The following SLC24A2 variants were observed in gnomAD, a reference collection of about 807,000 sequenced individuals.
SLC24A2 encodes sodium/potassium/calcium exchanger 2.
A neutral mutation model predicts 62.0 loss-of-function variants in SLC24A2; 36 were observed. That is an observed-to-expected ratio of 0.58 (90% confidence interval 0.44 to 0.77). SLC24A2 has a LOEUF of 0.77. SLC24A2 is among the 30% of genes least tolerant of loss of function. The pLI is 0.00. For synonymous variants in SLC24A2, 358 were observed against 294.0 expected (o/e 1.22, Z -2.23); for missense variants, 846 against 817.9 (o/e 1.03, Z -0.42).
the SLC24A2 span, among the ~76,000 whole-genome samples, chr9:20,262,803 C>T: frequency 1.3e-5 from 2 of 152,224 alleles, no homozygotes; most frequent in Admixed American, 1.3e-4. Flanking sequence ...CTCTGCCCCT[C>T]GTCACGCCCT....
chr9:19,893,080 A>C, the SLC24A2 span, among the ~76,000 whole-genome samples: 4 of 152,184 alleles, frequency 2.6e-5, no homozygotes, highest in Non-Finnish European at 5.9e-5. Context: ...CGTCTTTAAT[A>C]ATGTTCCCAT....
the SLC24A2 span, among the ~76,000 whole-genome samples, chr9:19,867,120 A>G: frequency 6.6e-6 from 1 of 152,198 alleles, no homozygotes; most frequent in African/African-American, 2.4e-5. Flanking sequence ...ATAATATTCC[A>G]TCTTTCATTA....
At chr9:19,983,032 T>C in the SLC24A2 span, among the ~76,000 whole-genome samples, 14 of 152,184 alleles carry the variant, frequency 9.2e-5, no homozygotes, top group Non-Finnish European at 2.1e-4. Context: ...AGGACACTTA[T>C]GAACAGCCAC....
chr9:19,674,785 A>G (rs1469633170), intron 2 of SLC24A2, among the ~76,000 whole-genome samples: 1 of 152,066 alleles, frequency 6.6e-6, no homozygotes, highest in Admixed American at 6.6e-5. Context: ...AATTTCATTG[A>G]GTTGGACTTC....
the SLC24A2 span, among the ~76,000 whole-genome samples, chr9:20,011,028 G>C: frequency 1.3e-5 from 2 of 152,050 alleles, no homozygotes; most frequent in Non-Finnish European, 2.9e-5. Context: ...ATTTGGGTTG[G>C]TTCCAGGTCT....
the SLC24A2 span, among the ~76,000 whole-genome samples, chr9:20,072,609 T>G: frequency 6.6e-6 from 1 of 152,032 alleles, no homozygotes; most frequent in Non-Finnish European, 1.5e-5. Flanking sequence ...GTCAGATATC[T>G]TGAGATGGGA....
the SLC24A2 span, among the ~76,000 whole-genome samples, chr9:20,306,658 A>T: frequency 6.6e-6 from 1 of 152,138 alleles, no homozygotes; most frequent in Non-Finnish European, 1.5e-5. Flanking sequence ...ATAATATCAC[A>T]GCTACACCCC....
intron 2 of SLC24A2, among the ~76,000 whole-genome samples, chr9:19,723,667 A>C (rs1226897368): frequency 6.6e-6 from 1 of 152,154 alleles, no homozygotes; most frequent in Non-Finnish European, 1.5e-5. Context: ...AGATATGGAC[A>C]TGTCATTTAC....
At chr9:19,631,929 G>C (rs1818190384) in intron 2 of SLC24A2, among the ~76,000 whole-genome samples, 1 of 152,146 alleles carries the variant, frequency 6.6e-6, no homozygotes, top group Admixed American at 6.5e-5. Context: ...GTGCAGTAGG[G>C]GTCCTCTGTT....
chr9:20,186,751 T>C, the SLC24A2 span, among the ~76,000 whole-genome samples: 4 of 152,226 alleles, frequency 2.6e-5, no homozygotes, highest in South Asian at 4.1e-4. Flanking sequence ...TTAAATGTTA[T>C]GATATATTTT....
intron 7 of SLC24A2, among the ~76,000 whole-genome samples, chr9:19,563,816 TCCTTCCTTCCTC>T (rs1563968775): frequency 7.0e-4 from 75 of 106,610 alleles, no homozygotes; most frequent in Non-Finnish European, 9.7e-4. Flanking sequence ...CTTCCTTCCT[TCCTTCCTTCCTC>T]CCTCCCTCCC....
At chr9:19,587,357 A>C (rs1050973956) in intron 5 of SLC24A2, among the ~76,000 whole-genome samples, 1 of 152,192 alleles carries the variant, frequency 6.6e-6, no homozygotes, top group Non-Finnish European at 1.5e-5. Context: ...CTATTTTGTG[A>C]ACTTATAGCA....
the SLC24A2 span, among the ~76,000 whole-genome samples, chr9:19,975,159 G>A: frequency 6.6e-6 from 1 of 152,146 alleles, no homozygotes; most frequent in African/African-American, 2.4e-5. Flanking sequence ...AAAATGGTCT[G>A]ATTTAAAGGT....
the SLC24A2 span, among the ~76,000 whole-genome samples, chr9:19,867,316 T>G: frequency 6.6e-6 from 1 of 152,340 alleles, no homozygotes; most frequent in Admixed American, 6.5e-5. Flanking sequence ...GCCTGGGATT[T>G]ACTTTGTGGG....
the SLC24A2 span, among the ~76,000 whole-genome samples, chr9:20,279,834 T>C: frequency 6.6e-6 from 1 of 152,204 alleles, no homozygotes; most frequent in Admixed American, 6.5e-5. Context: ...GCATGGCTGG[T>C]CATAAGCAGG....
At chr9:19,684,944 G>A (rs1819836158) in intron 2 of SLC24A2, among the ~76,000 whole-genome samples, 1 of 151,976 alleles carries the variant, frequency 6.6e-6, no homozygotes, top group South Asian at 2.1e-4. Context: ...TCTACACCTG[G>A]AAAACAACAC....
the SLC24A2 span, among the ~76,000 whole-genome samples, chr9:20,076,746 CA>C: frequency 2.7e-5 from 4 of 150,110 alleles, no homozygotes; most frequent in African/African-American, 7.3e-5. Flanking sequence ...AGAAAAGTGC[CA>C]AAAAAAAGTA....
chr9:20,086,603 C>T, the SLC24A2 span, among the ~76,000 whole-genome samples: 2 of 152,164 alleles, frequency 1.3e-5, no homozygotes, highest in African/African-American at 4.8e-5. Context: ...GGGGTCTCCC[C>T]TCACAGGTTT....
At chr9:19,538,236 C>G (rs1184930582) in intron 8 of SLC24A2, among the ~76,000 whole-genome samples, 1 of 129,236 alleles carries the variant, frequency 7.7e-6, no homozygotes, top group African/African-American at 3.2e-5. Flanking sequence ...ACTTCCAACA[C>G]TATGTTGAAT....
Sources: allele counts gnomAD v4.1 joint callset (sites outside exome capture counted in the v4.1 genomes callset), GRCh38; gene constraint gnomAD v4.1.1; transcripts MANE v1.5; gene names NCBI Gene and HGNC (gene_info 2026-07-23, HGNC 2026-07-21).